The following SYT1 variants were observed in gnomAD, a reference collection of about 807,000 sequenced individuals.
The protein encoded by SYT1 is synaptotagmin 1, also known as synaptotagmin-1.
Under a neutral mutation model 44.8 loss-of-function variants are expected in SYT1, and 8 were observed. That is an observed-to-expected ratio of 0.18 (90% confidence interval 0.10 to 0.32). The LOEUF (loss-of-function observed/expected upper bound fraction) is 0.32, where lower values mean the gene tolerates loss of function less well. Ranked by LOEUF, SYT1 falls within the 10% of genes least tolerant of loss-of-function variation. SYT1 has a pLI of 1.00. For synonymous variants in SYT1, 154 were observed against 188.8 expected (o/e 0.82, Z 1.51); for missense variants, 286 against 509.3 (o/e 0.56, Z 4.22).
At chr12:79,370,714 G>A (rs1883751268) in intron 9 of SYT1, among the ~76,000 whole-genome samples, 1 of 152,058 alleles carries the variant, frequency 6.6e-6, no homozygotes, top group Non-Finnish European at 1.5e-5. Context: ...AGTGAGCAGA[G>A]ATCGCGCCAC....
chr12:79,043,480 T>C (rs911976846), intron 2 of SYT1, among the ~76,000 whole-genome samples: 5 of 149,672 alleles, frequency 3.3e-5, no homozygotes, highest in African/African-American at 1.2e-4. Context: ...ATTTGCTTGG[T>C]AGATCTTCCT....
At chr12:79,273,976 C>T (rs543095317) in intron 4 of SYT1, among the ~76,000 whole-genome samples, 6 of 152,214 alleles carry the variant, frequency 3.9e-5, no homozygotes, top group African/African-American at 9.6e-5. Flanking sequence ...CCCAGCTACT[C>T]GGGAGGCTGA....
chr12:79,022,077 T>C (rs964888620), intron 2 of SYT1, among the ~76,000 whole-genome samples: 1 of 151,614 alleles, frequency 6.6e-6, no homozygotes, highest in Non-Finnish European at 1.5e-5. Context: ...TATATAATTA[T>C]GAGTGCCAAT....
intron 3 of SYT1, among the ~76,000 whole-genome samples, chr12:79,087,605 A>T (rs555897257): frequency 3.0e-4 from 46 of 152,142 alleles, no homozygotes; most frequent in African/African-American, 1.1e-3. Flanking sequence ...AGAATGAGTA[A>T]GGTGCATCAA....
chr12:79,070,805 C>T (rs1188832362), intron 3 of SYT1, among the ~76,000 whole-genome samples: 2 of 151,992 alleles, frequency 1.3e-5, no homozygotes, highest in Admixed American at 1.3e-4. Context: ...ATCATTTATT[C>T]TCGAAACCTC....
chr12:79,305,514 AC>A, intron 8 of SYT1, among the ~76,000 whole-genome samples: 1 of 152,130 alleles, frequency 6.6e-6, no homozygotes, highest in East Asian at 1.9e-4. Flanking sequence ...GCTATCATTT[AC>A]TGAGAGTCTA....
At chr12:79,301,229 C>G (rs957968139) in intron 8 of SYT1, among the ~76,000 whole-genome samples, 1 of 151,970 alleles carries the variant, frequency 6.6e-6, no homozygotes, top group Non-Finnish European at 1.5e-5. Context: ...TTCACAATGC[C>G]CACTTGTGCA....
chr12:79,131,368 C>T (rs1868809004), intron 3 of SYT1, among the ~76,000 whole-genome samples: 1 of 151,888 alleles, frequency 6.6e-6, no homozygotes, highest in Non-Finnish European at 1.5e-5. Flanking sequence ...AACTCTGTCC[C>T]TTATTCCTTC....
chr12:78,993,588 A>C (rs1870166274), intron 2 of SYT1, among the ~76,000 whole-genome samples: 13 of 152,166 alleles, frequency 8.5e-5, no homozygotes, highest in Admixed American at 8.5e-4. Context: ...TGGAAAGAAA[A>C]CCTTTCAAAT....
chr12:79,126,949 T>C (rs778006161), intron 3 of SYT1, among the ~76,000 whole-genome samples: 1 of 152,226 alleles, frequency 6.6e-6, no homozygotes, highest in Non-Finnish European at 1.5e-5. Context: ...TTTTATGTCA[T>C]TGACATTGGT....
chr12:79,347,522 A>G (rs560677127), intron 8 of SYT1, among the ~76,000 whole-genome samples: 1 of 152,048 alleles, frequency 6.6e-6, no homozygotes, highest in East Asian at 1.9e-4. Flanking sequence ...TGATTCCCTC[A>G]CTCCCAAAGA....
intron 4 of SYT1, among the ~76,000 whole-genome samples, chr12:79,283,846 A>G (rs1454490883): frequency 6.6e-6 from 1 of 151,568 alleles, no homozygotes; most frequent in Non-Finnish European, 1.5e-5. Context: ...ACAATTTCAA[A>G]AGTTGTAGTT....
intron 3 of SYT1, among the ~76,000 whole-genome samples, chr12:79,100,022 A>T (rs551962610): frequency 6.6e-6 from 1 of 152,164 alleles, no homozygotes; most frequent in African/African-American, 2.4e-5. Context: ...AAATAATTGT[A>T]CATGTTCTTT....
chr12:79,096,735 G>T (rs1440834525), intron 3 of SYT1, among the ~76,000 whole-genome samples: 1 of 151,974 alleles, frequency 6.6e-6, no homozygotes, highest in Non-Finnish European at 1.5e-5. Flanking sequence ...GGTAGATACT[G>T]GTGGGGCAGC....
At chr12:79,138,290 A>G (rs1284813252) in intron 3 of SYT1, among the ~76,000 whole-genome samples, 1 of 152,140 alleles carries the variant, frequency 6.6e-6, no homozygotes, top group African/African-American at 2.4e-5. Flanking sequence ...CAATGAAATC[A>G]TGTATGATTT....
At chr12:79,168,159 A>C (rs773134678) in intron 3 of SYT1, among the ~76,000 whole-genome samples, 4 of 152,042 alleles carry the variant, frequency 2.6e-5, no homozygotes, top group Non-Finnish European at 4.4e-5. Flanking sequence ...TTTGTCTTCT[A>C]GTTATTCCTT....
intron 8 of SYT1, among the ~76,000 whole-genome samples, chr12:79,342,138 G>C (rs1345598938): frequency 2.0e-5 from 3 of 152,176 alleles, no homozygotes; most frequent in Admixed American, 2.0e-4. Context: ...GTAGGAAATA[G>C]AACTTGAAGA....
At chr12:79,217,047 C>T (rs1267323327) in intron 3 of SYT1, among the ~76,000 whole-genome samples, 1 of 152,112 alleles carries the variant, frequency 6.6e-6, no homozygotes, top group Non-Finnish European at 1.5e-5. Context: ...AAGTCACTAG[C>T]ATTTTGAGTA....
At chr12:79,046,309 G>C (rs1406252717) in intron 2 of SYT1, 1 of 152,106 alleles carries the variant, frequency 6.6e-6, no homozygotes, top group Non-Finnish European at 1.5e-5. Flanking sequence ...TTGTAATTCT[G>C]TTGAAAATAG....
Sources: allele counts gnomAD v4.1 joint callset (sites outside exome capture counted in the v4.1 genomes callset), GRCh38; gene constraint gnomAD v4.1.1; transcripts MANE v1.5; gene names NCBI Gene and HGNC (gene_info 2026-07-23, HGNC 2026-07-21).